Variants in KDM2B observed in about 807,000 individuals in gnomAD.
KDM2B encodes lysine demethylase 2B.
In KDM2B, 26 loss-of-function variants were observed where a neutral mutation model predicts 150.0. That is an observed-to-expected ratio of 0.17 (90% CI 0.13 to 0.24). KDM2B has a LOEUF of 0.24. KDM2B is among the 10% of genes least tolerant of loss of function. The pLI is 1.00. For synonymous variants in KDM2B, 734 were observed against 729.5 expected, an observed-to-expected ratio of 1.01 and a Z score of -0.10; for missense variants, 1,265 against 1,816.9, an observed-to-expected ratio of 0.70 and a Z score of 5.52.
At chr12:121,421,396 A>AC in the KDM2B span, among the ~76,000 whole-genome samples, 1 of 149,722 alleles carries the variant, frequency 6.7e-6, no homozygotes, top group African/African-American at 2.4e-5. Context: ...AAAAAAAAAA[A>AC]AACCAAAAAA....
chr12:121,469,106 G>C (rs766380960), intron 12 of KDM2B: 1 of 151,614 alleles, frequency 6.6e-6, no homozygotes, highest in Non-Finnish European at 1.5e-5. Context: ...ATGTTGGCCA[G>C]GCTGGTCTGG....
chr12:121,548,209 G>A (rs1889217561), intron 6 of KDM2B, among the ~76,000 whole-genome samples: 1 of 152,144 alleles, frequency 6.6e-6, no homozygotes, highest in Non-Finnish European at 1.5e-5. Flanking sequence ...GGAGGTTGCA[G>A]TCAGCAGAGA....
In KDM2B at chr12:121,489,527, C is replaced by T. The variant is rs897222427; in HGVS notation, c.1734+5052G>A. Among the ~76,000 whole-genome samples the T allele has an allele frequency of 7.9e-5, 12 of 152,284 alleles. No individual in the cohort carries two copies. The Middle Eastern group carries it at 0.01, about 129-fold the overall frequency. ...CAATCTCAGCTCACTGCAACCTCCG[C>T]CTCACAGGTTCAAGTGATTCTCCTG... is the stretch of plus-strand genomic sequence containing the variant. On this transcript the variant is annotated intron_variant, in intron 12 of 22. Coordinates refer to ENST00000377071, the MANE Select transcript of KDM2B (RefSeq NM_032590.5).
chr12:121,563,103 G>GGCCC (rs782194659), intron 4 of KDM2B, among the ~76,000 whole-genome samples: 160 of 151,824 alleles, frequency 1.1e-3, no homozygotes, highest in Non-Finnish European at 3.5e-4. Context: ...GGATCGCTTA[G>GGCCC]GCCCGTGAGT....
At chr12:121,552,318 C>G (rs1358527169) in intron 4 of KDM2B, among the ~76,000 whole-genome samples, 1 of 152,072 alleles carries the variant, frequency 6.6e-6, no homozygotes, top group Non-Finnish European at 1.5e-5. Context: ...AATGCCTAAG[C>G]CCAGGTTCCT....
chr12:121,563,981 G>A (rs1890523237), intron 4 of KDM2B, among the ~76,000 whole-genome samples: 2 of 152,160 alleles, frequency 1.3e-5, no homozygotes, highest in African/African-American at 2.4e-5. Flanking sequence ...TCTGGGCATG[G>A]TGGCGCACCT....
chr12:121,444,166 C>A lies in KDM2B; in HGVS notation c.2297G>T (p.Arg766Leu). 2.5e-6 allele frequency: 4 copies of A among 1,612,598 alleles called. No individual in the cohort carries two copies. Among genetic ancestry groups the A allele is most frequent in the Non-Finnish European group, 3.4e-6 (4 of 1,180,038 alleles). The change falls in exon 16 of 23, where the codon CGG becomes CTG. Residue 766 changes from arginine (R) to leucine (L), a missense_variant. Coordinates refer to ENST00000377071, the MANE Select transcript of KDM2B (RefSeq NM_032590.5). ...GGGCGCCTCCTCACACTCACTCCTCCGCTTGGCAGGTTCCTGCCCTTCCTT... is the reference window on the plus strand; with the variant it reads ...GGGCGCCTCCTCACACTCACTCCTCAGCTTGGCAGGTTCCTGCCCTTCCTT... The part of the protein sequence containing the change: ...DNKEGQEPAK[R>L]RSECEEAPRR...
At chr12:121,422,078 C>T in the KDM2B span, among the ~76,000 whole-genome samples, 2 of 152,190 alleles carry the variant, frequency 1.3e-5, no homozygotes, top group Non-Finnish European at 2.9e-5. Flanking sequence ...AGTCAGTTGA[C>T]TTCATAAATG....
chr12:121,433,321 C>T (rs900787393), intron 22 of KDM2B: 2 of 393,208 alleles, frequency 5.1e-6, no homozygotes, highest in Admixed American at 3.0e-5. Context: ...GCGTGGGGCC[C>T]GCCTGCCCGC....
chr12:121,520,952 C>A lies in KDM2B; in HGVS notation c.1047+33G>T, dbSNP rs550350046. The A allele has an allele frequency of 3.0e-5, 47 of 1,545,720 alleles. No individual in the cohort carries two copies. The South Asian group carries it at 4.0e-4, about 13-fold the overall frequency. On this transcript the variant is annotated intron_variant, in intron 9 of 22. Transcript: ENST00000377071. This position sits in a 1 kb window ranked among gnomAD's most constrained non-coding sequence, Gnocchi z 4.5. ...GCACCGGCAGAGCTCAGGGGCCAGG[C>A]GCGCACGCGAGGACAGAAGGGAACC... is the stretch of plus-strand genomic sequence containing the variant.
chr12:121,474,133 G>T (rs1286508164), intron 12 of KDM2B, among the ~76,000 whole-genome samples: 2 of 152,186 alleles, frequency 1.3e-5, no homozygotes, highest in Admixed American at 1.3e-4. Context: ...TGAGGGTGAT[G>T]AAAATATTTT....
downstream of KDM2B, chr12:121,429,071 A>G (rs535527878): frequency 1.3e-5 from 2 of 152,782 alleles, no homozygotes; most frequent in South Asian, 2.1e-4. Context: ...CACAGGGTAC[A>G]TCAGATGAAT....
At chr12:121,503,691 G>A (rs2140650442) in intron 11 of KDM2B, among the ~76,000 whole-genome samples, 1 of 152,342 alleles carries the variant, frequency 6.6e-6, no homozygotes, top group Non-Finnish European at 1.5e-5. Context: ...GAAAGGGCAG[G>A]GGAAGTGTGG....
intron 12 of KDM2B, among the ~76,000 whole-genome samples, chr12:121,491,518 C>A (rs781923316): frequency 1.3e-5 from 2 of 152,048 alleles, no homozygotes; most frequent in Non-Finnish European, 2.9e-5. Flanking sequence ...TATGACCGGG[C>A]ATGGTGGCTC....
chr12:121,526,533 C>A (rs546386004), intron 8 of KDM2B, among the ~76,000 whole-genome samples: 1 of 152,150 alleles, frequency 6.6e-6, no homozygotes, highest in Admixed American at 6.5e-5. Context: ...GACCTGGTCA[C>A]TGTGAGATCT....
Position 121,475,459 on chromosome 12 carries a change from G to A in KDM2B, c.1734+19120C>T, listed in dbSNP as rs576630065. Among the ~76,000 whole-genome samples, 3 of 151,582 alleles carry A rather than the reference G, an allele frequency of 2.0e-5. No individual in the cohort carries two copies. The South Asian group carries it at 6.3e-4, about 32-fold the overall frequency. On this transcript the variant is annotated intron_variant, in intron 12 of 22. Coordinates refer to ENST00000377071, the MANE Select transcript of KDM2B (RefSeq NM_032590.5). ...AGAAGAAAATTTAGCCAGGCAAGGT[G>A]GCATGCACTTTTAAGTCCCAGCTAC...
chr12:121,467,082 GC>G lies in KDM2B; in HGVS notation c.1735-13739del. 1.1e-6 allele frequency: 1 copy of G among 876,066 alleles called. No homozygotes were observed. The highest frequency in any genetic ancestry group is 5.6e-5 in the Admixed American group (1 of 17,756). 54.3% of individuals were successfully genotyped at this position (876,066 alleles called of 1,614,324 possible). ...TCGCGGCGGCGGCGGCGTCGCGGCCGCCCTCGGCGCGTCAGACAGGCGGTCG... is the reference window on the plus strand; with the variant it reads ...TCGCGGCGGCGGCGGCGTCGCGGCCGCCTCGGCGCGTCAGACAGGCGGTCG... On this transcript the variant is annotated intron_variant, in intron 12 of 22. Transcript: ENST00000377071. This position sits in a 1 kb window ranked among gnomAD's most constrained non-coding sequence, Gnocchi z 5.1.
intron 15 of KDM2B, 48 bp downstream of exon 15, chr12:121,444,402 G>A (rs782086990): frequency 1.2e-6 from 2 of 1,607,582 alleles, no homozygotes; most frequent in Non-Finnish European, 1.7e-6. Flanking sequence ...CCAGGCCCAG[G>A]CCCGCCCCTC....
At chr12:121,563,391 G>A (rs537994409) in intron 4 of KDM2B, among the ~76,000 whole-genome samples, 10 of 152,136 alleles carry the variant, frequency 6.6e-5, no homozygotes, top group African/African-American at 2.4e-4. Context: ...TGGATCACTT[G>A]AGCCCAGGAG....
Sources: gnomAD v4.1 joint callset for allele counts (sites outside exome capture counted in the v4.1 genomes callset) on GRCh38, gnomAD v4.1.1 for gene constraint, Gnocchi (gnomAD v3.1) non-coding constraint, MANE v1.5 for transcripts, NCBI Gene and HGNC (gene_info 2026-07-23, HGNC 2026-07-21) for gene names.